RAVER2: variants seen among roughly 807,000 people sequenced by gnomAD.
The protein encoded by RAVER2 is ribonucleoprotein PTB-binding 2.
In RAVER2, 46 loss-of-function variants were observed where a neutral mutation model predicts 78.1. The ratio of observed to expected loss-of-function variants is 0.59; its 90% CI spans 0.46 to 0.75. RAVER2 has a LOEUF of 0.75. Among genes scored for constraint, RAVER2 ranks in the 30% least tolerant of loss-of-function variants. The probability of loss-of-function intolerance (pLI) is 0.00; values close to 1 mark genes in which losing one functional copy is unlikely to be tolerated. For synonymous variants in RAVER2, 311 were observed against 313.3 expected, an observed-to-expected ratio of 0.99 and a Z score of 0.08; for missense variants, 793 against 837.5, an observed-to-expected ratio of 0.95 and a Z score of 0.66.
At chr1:64,775,321 G>A (rs1278125482) in intron 2 of RAVER2, among the ~76,000 whole-genome samples, 1 of 152,192 alleles carries the variant, frequency 6.6e-6, no homozygotes, top group Admixed American at 6.5e-5. Flanking sequence ...TGCTTTCATA[G>A]CCCCTCATAC....
At chr1:64,792,833 A>G (rs1304525093) in intron 5 of RAVER2, among the ~76,000 whole-genome samples, 2 of 152,154 alleles carry the variant, frequency 1.3e-5, no homozygotes, top group Admixed American at 6.5e-5. Flanking sequence ...CCTTTACTAT[A>G]TCATAACTGT....
chr1:64,790,066 T>C lies in RAVER2; in HGVS notation c.1105+552T>C, dbSNP rs1652893229. 2.6e-5 allele frequency among the ~76,000 whole-genome samples: 4 copies of C among 152,246 alleles called. No homozygotes were observed. In the South Asian group the frequency reaches 8.3e-4, roughly 32 times the overall value. On this transcript the variant is annotated intron_variant, in intron 5 of 11. Transcript: ENST00000294428. ...TTAGTATTCTTTCTCTAGTAAGAGC[T>C]TACCTTCTGTGCATTCTGAAATGTA... is the stretch of plus-strand genomic sequence containing the variant.
chr1:64,804,766 C>G (rs765528455), exon 7 of RAVER2: 1 of 1,535,448 alleles, frequency 6.5e-7, no homozygotes, highest in Non-Finnish European at 9.0e-7. Flanking sequence ...CTAATTTATT[C>G]CTTCAGAATC....
chr1:64,802,940 A>G lies in RAVER2; in HGVS notation c.1106-36A>G, dbSNP rs749725853. On this transcript the variant is annotated intron_variant, in intron 5 of 11. Transcript: ENST00000294428. ...GGTTTTTAAAAATTTTTAATTCCAT[A>G]TATAAATTAAAGTTTTTACTTTTAT... 9.7e-5 allele frequency: 139 copies of G among 1,439,852 alleles called. 1 individual carries two copies. The highest frequency in any genetic ancestry group is 8.9e-4 in the Middle Eastern group (5 of 5,634). 89.2% of individuals were successfully genotyped at this position (1,439,852 alleles called of 1,614,324 possible).
chr1:64,761,309 A>G (rs1218299998), intron 1 of RAVER2, among the ~76,000 whole-genome samples: 1 of 152,210 alleles, frequency 6.6e-6, no homozygotes, highest in Non-Finnish European at 1.5e-5. Context: ...AACATCATAT[A>G]TGATAGGACT....
chr1:64,788,505 G>A (rs866071973), intron 4 of RAVER2, among the ~76,000 whole-genome samples: 1 of 150,632 alleles, frequency 6.6e-6, no homozygotes, highest in African/African-American at 2.4e-5. Flanking sequence ...TAATAAAGAA[G>A]ATTTTGGGTC....
chr1:64,827,765 A>G (rs1439246895), intron 11 of RAVER2, among the ~76,000 whole-genome samples: 1 of 152,222 alleles, frequency 6.6e-6, no homozygotes, highest in African/African-American at 2.4e-5. Flanking sequence ...GCTCACATGC[A>G]AGTATCTAAT....
At chr1:64,766,759 G>C (rs2100820828) in intron 1 of RAVER2, among the ~76,000 whole-genome samples, 1 of 152,130 alleles carries the variant, frequency 6.6e-6, no homozygotes, top group Non-Finnish European at 1.5e-5. Flanking sequence ...TAGATTCTAT[G>C]CAACTAAAAG....
chr1:64,769,833 A>G (rs1287516617), intron 2 of RAVER2, among the ~76,000 whole-genome samples: 4 of 152,044 alleles, frequency 2.6e-5, no homozygotes, highest in African/African-American at 9.7e-5. Flanking sequence ...GTTTGTTACC[A>G]CAGTATCTTG....
intron 3 of RAVER2, among the ~76,000 whole-genome samples, chr1:64,778,760 A>G (rs1266745985): frequency 3.4e-5 from 5 of 149,086 alleles, no homozygotes; most frequent in African/African-American, 1.2e-4. Context: ...CAACTGATCA[A>G]TTATTTCTCT....
Position 64,745,303 on chromosome 1 carries a change from C to A in RAVER2, c.131C>A (p.Pro44Gln). Residue 44 changes from proline to glutamine, a missense_variant, in exon 1 of 12, where the codon CCG becomes CAG. Coordinates refer to ENST00000294428, the Ensembl canonical transcript of RAVER2. The surrounding 1 kb of genome is among the most constrained non-coding windows in gnomAD (Gnocchi z 4.3). Reference sequence around the variant, plus strand: ...GAAGCGCACGAGGGCGCCCCGGACCCGATGCCCGCCGCGCTGCACCCTGAG... The same window carrying A: ...GAAGCGCACGAGGGCGCCCCGGACCAGATGCCCGCCGCGCTGCACCCTGAG... The A allele has an allele frequency of 6.6e-7, 1 of 1,506,200 alleles. No homozygotes were observed. The highest frequency in any genetic ancestry group is 2.4e-4 in the Middle Eastern group (1 of 4,204). The allele number at this position is 1,506,200 out of a possible 1,614,324, so 93.3% of individuals were successfully genotyped here. A position where few individuals can be genotyped will look rare whatever the true frequency, so the allele number is the denominator to read the frequency against.
At chr1:64,814,242 G>C (rs1408155687) in intron 10 of RAVER2, among the ~76,000 whole-genome samples, 1 of 152,072 alleles carries the variant, frequency 6.6e-6, no homozygotes, top group African/African-American at 2.4e-5. Context: ...TTACAGTCAT[G>C]CACCACCATT....
chr1:64,815,410 A>T (rs1031097334), intron 11 of RAVER2: 5 of 152,194 alleles, frequency 3.3e-5, no homozygotes, highest in Non-Finnish European at 7.4e-5. Flanking sequence ...CAATAACATA[A>T]AAATATTATG....
intron 5 of RAVER2, among the ~76,000 whole-genome samples, chr1:64,794,968 G>A (rs1653056359): frequency 6.6e-6 from 1 of 151,884 alleles, no homozygotes; most frequent in African/African-American, 2.4e-5. Flanking sequence ...TTAGGTCTAT[G>A]ATCTATTTTG....
chr1:64,820,133 A>G (rs1653850685), intron 11 of RAVER2, among the ~76,000 whole-genome samples: 1 of 152,212 alleles, frequency 6.6e-6, no homozygotes, highest in African/African-American at 2.4e-5. Context: ...AAGTAACTCT[A>G]AGTAGGTTGT....
At chr1:64,804,808 A>T (rs747993605) in exon 7 of RAVER2, 3 of 1,558,870 alleles carry the variant, frequency 1.9e-6, no homozygotes, top group Non-Finnish European at 1.8e-6. Flanking sequence ...AACAACAATT[A>T]ATGAAGTTTG....
At chr1:64,777,909 G>A in exon 3 of RAVER2, 1 of 1,614,102 alleles carries the variant, frequency 6.2e-7, no homozygotes, top group Non-Finnish European at 8.5e-7. Context: ...AGGCTAGACT[G>A]GAGCTATTGG....
In RAVER2 at chr1:64,777,616, CT is replaced by C. The variant is rs748250770; in HGVS notation, c.317-5del. On this transcript the variant is annotated splice_region_variant and splice_polypyrimidine_tract_variant and intron_variant, in intron 2 of 11. Transcript: ENST00000294428. ...AAAACTCTTTAATTCATTTCGTTAT[CT>C]TCCAGCTTTTGTTACCTTATTGAAT... The C allele has an allele frequency of 2.5e-6, 4 of 1,589,686 alleles. No homozygotes were observed. The African/African-American group carries it at 5.4e-5, about 22-fold the overall frequency.
At chr1:64,817,902 A>T (rs1055063183) in intron 11 of RAVER2, among the ~76,000 whole-genome samples, 2 of 149,374 alleles carry the variant, frequency 1.3e-5, no homozygotes, top group Non-Finnish European at 3.0e-5. Flanking sequence ...AAAGTATAAT[A>T]AAAAAAAAAC....
Sources: gnomAD v4.1 joint callset for allele counts (sites outside exome capture counted in the v4.1 genomes callset) on GRCh38, gnomAD v4.1.1 for gene constraint, Gnocchi (gnomAD v3.1) non-coding constraint, MANE v1.5 for transcripts, NCBI Gene and HGNC (gene_info 2026-07-23, HGNC 2026-07-21) for gene names.